Variants in HPSE2 observed in about 807,000 individuals in gnomAD.
HPSE2 encodes heparanase 2 (inactive).
Under a neutral mutation model 60.5 loss-of-function variants are expected in HPSE2, and 38 were observed. That is an observed-to-expected ratio of 0.63 (90% CI 0.48 to 0.82). HPSE2 has a LOEUF of 0.82. Among genes scored for constraint, HPSE2 ranks in the 40% least tolerant of loss-of-function variants. HPSE2 has a pLI of 0.00. For synonymous variants in HPSE2, 295 were observed against 293.2 expected (o/e 1.01, Z -0.06); for missense variants, 713 against 740.4 (o/e 0.96, Z 0.43).
intron 9 of HPSE2, among the ~76,000 whole-genome samples, chr10:98,580,225 T>C (rs1019812273): frequency 3.9e-5 from 6 of 152,270 alleles, no homozygotes; most frequent in African/African-American, 1.4e-4. Flanking sequence ...TACATGTGGA[T>C]TGGTTTTCTT....
At chr10:98,977,869 A>C (rs1018447629) in intron 3 of HPSE2, among the ~76,000 whole-genome samples, 2 of 151,654 alleles carry the variant, frequency 1.3e-5, no homozygotes, top group African/African-American at 4.8e-5. Flanking sequence ...CTTACAACCT[A>C]AAAATTATTT....
chr10:99,252,672 C>T, the HPSE2 span, among the ~76,000 whole-genome samples: 13 of 152,076 alleles, frequency 8.5e-5, no homozygotes, highest in Admixed American at 2.6e-4. Flanking sequence ...GTCAGGAGAT[C>T]GAGACCATCC....
intron 3 of HPSE2, among the ~76,000 whole-genome samples, chr10:98,915,731 T>A (rs1954102407): frequency 6.6e-6 from 1 of 151,900 alleles, no homozygotes; most frequent in South Asian, 2.1e-4. Flanking sequence ...AAAGTGTGAA[T>A]GAGAAGAAAA....
chr10:98,775,877 A>G (rs187911371), intron 3 of HPSE2, among the ~76,000 whole-genome samples: 42 of 152,276 alleles, frequency 2.8e-4, no homozygotes, highest in Non-Finnish European at 5.6e-4. Flanking sequence ...CTTTTTTTAT[A>G]TTCCCTGAAT....
At chr10:99,009,501 G>A (rs1589509598) in intron 3 of HPSE2, among the ~76,000 whole-genome samples, 2 of 152,130 alleles carry the variant, frequency 1.3e-5, no homozygotes, top group Non-Finnish European at 2.9e-5. Context: ...GTTACTACTG[G>A]CAGCCACATT....
At chr10:98,662,491 T>C (rs1209866113) in intron 6 of HPSE2, among the ~76,000 whole-genome samples, 1 of 151,936 alleles carries the variant, frequency 6.6e-6, no homozygotes, top group African/African-American at 2.4e-5. Context: ...CACTTATAAG[T>C]GGGAGCTAAA....
At chr10:99,177,123 A>G (rs1444214734) in intron 2 of HPSE2, among the ~76,000 whole-genome samples, 1 of 152,202 alleles carries the variant, frequency 6.6e-6, no homozygotes, top group East Asian at 1.9e-4. Context: ...TGAAGGAAGC[A>G]CTAAATATGG....
chr10:98,910,351 A>G (rs930302338), intron 3 of HPSE2, among the ~76,000 whole-genome samples: 19 of 152,192 alleles, frequency 1.2e-4, no homozygotes, highest in African/African-American at 4.6e-4. Context: ...CAGTAAAGAG[A>G]AATTTCAACT....
At chr10:99,218,249 T>C (rs563146182) in intron 2 of HPSE2, among the ~76,000 whole-genome samples, 1 of 151,042 alleles carries the variant, frequency 6.6e-6, no homozygotes, top group South Asian at 2.1e-4. Context: ...CACTTTGAGT[T>C]TCCTTGAAGC....
chr10:98,987,278 C>T (rs1404392121), intron 3 of HPSE2, among the ~76,000 whole-genome samples: 1 of 152,100 alleles, frequency 6.6e-6, no homozygotes, highest in Non-Finnish European at 1.5e-5. Flanking sequence ...TCCAGCAGCA[C>T]ATCAAAAAGC....
intron 3 of HPSE2, among the ~76,000 whole-genome samples, chr10:98,840,441 T>C (rs1218770022): frequency 2.6e-5 from 4 of 152,130 alleles, no homozygotes; most frequent in Non-Finnish European, 5.9e-5. Flanking sequence ...GGAGAGATGA[T>C]AGGCTAGAAG....
intron 2 of HPSE2, among the ~76,000 whole-genome samples, chr10:99,191,742 A>G (rs566259643): frequency 1.3e-5 from 2 of 152,330 alleles, no homozygotes; most frequent in South Asian, 4.1e-4. Context: ...ACAACCATCA[A>G]CAACATCCAG....
At chr10:98,696,820 A>G (rs1948234128) in intron 5 of HPSE2, among the ~76,000 whole-genome samples, 1 of 151,910 alleles carries the variant, frequency 6.6e-6, no homozygotes, top group Non-Finnish European at 1.5e-5. Context: ...CATCTCTACA[A>G]CTCCAGGCTG....
intron 11 of HPSE2, among the ~76,000 whole-genome samples, chr10:98,467,186 C>T (rs1220746672): frequency 1.3e-5 from 2 of 152,254 alleles, no homozygotes; most frequent in East Asian, 1.9e-4. Flanking sequence ...TGGATCTCAG[C>T]TCCTGTCACA....
At chr10:99,032,907 T>A (rs1957529291) in intron 3 of HPSE2, among the ~76,000 whole-genome samples, 1 of 152,220 alleles carries the variant, frequency 6.6e-6, no homozygotes, top group Non-Finnish European at 1.5e-5. Flanking sequence ...CTTTTAAGGA[T>A]CCTTGTGATT....
intron 3 of HPSE2, among the ~76,000 whole-genome samples, chr10:98,825,953 C>G (rs1361021674): frequency 2.0e-5 from 3 of 152,180 alleles, no homozygotes; most frequent in Admixed American, 6.5e-5. Context: ...ACTAAATTAA[C>G]CAGCCAGAAC....
intron 2 of HPSE2, among the ~76,000 whole-genome samples, chr10:99,156,363 C>A (rs1846560155): frequency 6.9e-6 from 1 of 143,966 alleles, no homozygotes; most frequent in African/African-American, 2.5e-5. Context: ...AAAATTCTGG[C>A]AAAACGAATC....
chr10:98,801,311 C>T (rs1012185506), intron 3 of HPSE2, among the ~76,000 whole-genome samples: 3 of 151,836 alleles, frequency 2.0e-5, no homozygotes, highest in Admixed American at 6.6e-5. Context: ...AACAAAAATA[C>T]CCACTTTTAC....
At chr10:99,092,731 T>C (rs932930710) in intron 3 of HPSE2, among the ~76,000 whole-genome samples, 1 of 152,128 alleles carries the variant, frequency 6.6e-6, no homozygotes, top group Non-Finnish European at 1.5e-5. Flanking sequence ...ATTTTCTTAA[T>C]ACATAATTGA....
Sources: allele counts gnomAD v4.1 joint callset (sites outside exome capture counted in the v4.1 genomes callset), GRCh38; gene constraint gnomAD v4.1.1; transcripts MANE v1.5; gene names NCBI Gene and HGNC (gene_info 2026-07-23, HGNC 2026-07-21).